The following OPCML variants were observed in gnomAD, a reference collection of about 807,000 sequenced individuals.
OPCML encodes opioid-binding protein/cell adhesion molecule.
A neutral mutation model predicts 37.8 loss-of-function variants in OPCML; 13 were observed. That is an observed-to-expected ratio of 0.34 (90% CI 0.22 to 0.55). The LOEUF (loss-of-function observed/expected upper bound fraction) is 0.55. OPCML is among the 20% of genes least tolerant of loss of function. The pLI, the probability that OPCML is intolerant of heterozygous loss-of-function variation, is 0.91. For synonymous variants in OPCML, 176 were observed against 168.8 expected (o/e 1.04, Z -0.33); for missense variants, 341 against 435.6 (o/e 0.78, Z 1.93).
chr11:133,104,412 C>G (rs1949127831), intron 1 of OPCML, among the ~76,000 whole-genome samples: 1 of 152,120 alleles, frequency 6.6e-6, no homozygotes, highest in African/African-American at 2.4e-5. Flanking sequence ...TAAACTTACC[C>G]TAAATTCATA....
At position 133,122,961 on chromosome 11, in the gene OPCML, C is replaced by T. The variant is rs150415778; in HGVS notation, c.62-179951G>A. ...TCATTTGGAAATCACTAGCAATGTG[C>T]TTCTAAAATACTGCAAAGATAGATA... On this transcript the variant is annotated intron_variant, in intron 1 of 7. Coordinates refer to ENST00000524381, the MANE Select transcript of OPCML (RefSeq NM_001012393.5). Among the ~76,000 whole-genome samples the T allele has an allele frequency of 8.5e-5, 13 of 152,308 alleles. No homozygotes were observed. The East Asian group carries it at 2.5e-3, about 29-fold the overall frequency.
At chr11:133,103,217 T>C (rs1054049225) in intron 1 of OPCML, among the ~76,000 whole-genome samples, 1 of 152,224 alleles carries the variant, frequency 6.6e-6, no homozygotes, top group Non-Finnish European at 1.5e-5. Context: ...ATAGTTTTAG[T>C]ACTTATTCTA....
chr11:133,442,571 T>C (rs1412536887), intron 1 of OPCML, among the ~76,000 whole-genome samples: 1 of 152,162 alleles, frequency 6.6e-6, no homozygotes, highest in African/African-American at 2.4e-5. Context: ...TGAAACAATT[T>C]GGGGAAAATC....
chr11:132,985,617 C>T (rs536672027), intron 1 of OPCML, among the ~76,000 whole-genome samples: 5 of 152,196 alleles, frequency 3.3e-5, no homozygotes, highest in Non-Finnish European at 2.9e-5. Flanking sequence ...GGTGAAGGAC[C>T]TAATCACATA....
chr11:133,323,308 T>A (rs1943376182), intron 1 of OPCML, among the ~76,000 whole-genome samples: 1 of 152,220 alleles, frequency 6.6e-6, no homozygotes, highest in Non-Finnish European at 1.5e-5. Context: ...AGCCCACTTG[T>A]GTTCTGTTCA....
intron 3 of OPCML, among the ~76,000 whole-genome samples, chr11:132,633,340 C>T (rs1400792376): frequency 3.3e-5 from 5 of 152,024 alleles, no homozygotes; most frequent in South Asian, 2.1e-4. Context: ...GTAGCTGGGA[C>T]TACAGGTGCT....
At chr11:132,705,334 T>C (rs937362238) in intron 2 of OPCML, among the ~76,000 whole-genome samples, 1 of 152,078 alleles carries the variant, frequency 6.6e-6, no homozygotes, top group Non-Finnish European at 1.5e-5. Flanking sequence ...TTCATGCCTG[T>C]CATCTGGGCA....
intron 1 of OPCML, chr11:133,418,296 A>G: frequency 4.1e-6 from 4 of 985,356 alleles, no homozygotes; most frequent in Non-Finnish European, 4.8e-6. Flanking sequence ...TTTATGAAGG[A>G]AGGGTTCATC....
intron 1 of OPCML, among the ~76,000 whole-genome samples, chr11:133,419,867 C>T (rs956368064): frequency 1.3e-5 from 2 of 152,284 alleles, no homozygotes; most frequent in African/African-American, 4.8e-5. Flanking sequence ...TCTAATTCAG[C>T]AAAGAAGTTA....
At chr11:132,485,699 T>C (rs935195996) in intron 4 of OPCML, among the ~76,000 whole-genome samples, 5 of 152,264 alleles carry the variant, frequency 3.3e-5, no homozygotes, top group African/African-American at 1.2e-4. Flanking sequence ...TTTGTTTATT[T>C]TGAAGTTTAT....
At chr11:133,378,237 C>T (rs1160914380) in intron 1 of OPCML, among the ~76,000 whole-genome samples, 1 of 152,144 alleles carries the variant, frequency 6.6e-6, no homozygotes, top group Non-Finnish European at 1.5e-5. Flanking sequence ...TCAATGAAAT[C>T]TTTGTGTCGA....
chr11:133,367,022 G>T (rs1944555907), intron 1 of OPCML, among the ~76,000 whole-genome samples: 1 of 152,042 alleles, frequency 6.6e-6, no homozygotes, highest in African/African-American at 2.4e-5. Context: ...TTGTCACCAG[G>T]CTGGAGTGCA....
intron 1 of OPCML, among the ~76,000 whole-genome samples, chr11:132,955,708 C>T (rs1945963610): frequency 6.6e-6 from 1 of 151,918 alleles, no homozygotes; most frequent in Non-Finnish European, 1.5e-5. Flanking sequence ...ATGGTGAAAC[C>T]CCACCTCAAC....
At chr11:132,454,722 C>G (rs1360615705) in intron 4 of OPCML, among the ~76,000 whole-genome samples, 1 of 152,216 alleles carries the variant, frequency 6.6e-6, no homozygotes, top group African/African-American at 2.4e-5. Flanking sequence ...CAGATCCAAT[C>G]TAGCCTACTC....
intron 3 of OPCML, among the ~76,000 whole-genome samples, chr11:132,554,891 T>TTTTTTTTTTTTC (rs1555152066): frequency 4.3e-5 from 6 of 138,966 alleles, no homozygotes; most frequent in African/African-American, 1.5e-4. Context: ...TTTTTTTTTT[T>TTTTTTTTTTTTC]CATTAGCTCT....
At chr11:132,487,450 AT>A (rs1289216764) in intron 4 of OPCML, among the ~76,000 whole-genome samples, 10 of 152,162 alleles carry the variant, frequency 6.6e-5, no homozygotes, top group African/African-American at 2.4e-4. Flanking sequence ...TTCAACAAGC[AT>A]TTATTGGGAG....
At chr11:132,584,728 T>A (rs1334518300) in intron 3 of OPCML, among the ~76,000 whole-genome samples, 1 of 152,098 alleles carries the variant, frequency 6.6e-6, no homozygotes, top group Non-Finnish European at 1.5e-5. Flanking sequence ...CAGGTAACAG[T>A]TGTAAAATAA....
intron 1 of OPCML, chr11:133,003,582 G>A (rs12360797): frequency 2.2e-6 from 2 of 910,154 alleles, no homozygotes; most frequent in South Asian, 5.1e-5. Context: ...GCAAGTTCCA[G>A]GAATTAGAAG....
intron 1 of OPCML, among the ~76,000 whole-genome samples, chr11:133,149,640 C>T (rs1193743010): frequency 2.0e-5 from 3 of 152,322 alleles, no homozygotes; most frequent in Admixed American, 6.5e-5. Flanking sequence ...TGATAATCGG[C>T]TGTGGAAACT....
Sources: allele counts gnomAD v4.1 joint callset (sites outside exome capture counted in the v4.1 genomes callset), GRCh38; gene constraint gnomAD v4.1.1; transcripts MANE v1.5; gene names NCBI Gene and HGNC (gene_info 2026-07-23, HGNC 2026-07-21).